ZNF184: variants seen among roughly 807,000 people sequenced by gnomAD.
ZNF184 encodes the protein zinc finger protein 184.
A neutral mutation model predicts 54.4 loss-of-function variants in ZNF184; 16 were observed. The observed-to-expected ratio is 0.29, with a 90% CI of 0.20 to 0.45. The LOEUF is 0.45. Ranked by LOEUF, ZNF184 falls within the 20% of genes least tolerant of loss-of-function variation. The probability of loss-of-function intolerance (pLI) is 1.00; values close to 1 mark genes in which losing one functional copy is unlikely to be tolerated. For missense variants in ZNF184, 681 were observed against 888.2 expected, an observed-to-expected ratio of 0.77 and a Z score of 2.97; for synonymous variants, 254 against 295.3, an observed-to-expected ratio of 0.86 and a Z score of 1.43.
the ZNF184 span, among the ~76,000 whole-genome samples, chr6:27,424,023 C>G: frequency 2.0e-5 from 3 of 151,980 alleles, no homozygotes. Context: ...AGAATGAAGC[C>G]ACGAACCCTC....
chr6:27,460,314 G>C (rs144274569), intron 3 of ZNF184, among the ~76,000 whole-genome samples: 1 of 152,292 alleles, frequency 6.6e-6, no homozygotes, highest in Non-Finnish European at 1.5e-5. Context: ...AACTAAGTGA[G>C]AGAGCAATAA....
intron 5 of ZNF184, among the ~76,000 whole-genome samples, chr6:27,454,881 C>T (rs1314213555): frequency 6.6e-6 from 1 of 152,094 alleles, no homozygotes; most frequent in Non-Finnish European, 1.5e-5. Flanking sequence ...GAGAAGTAAT[C>T]GAGGGTGTTG....
chr6:27,464,947 G>T (rs1348034903), intron 3 of ZNF184, among the ~76,000 whole-genome samples: 1 of 148,668 alleles, frequency 6.7e-6, no homozygotes. Context: ...AACCCAGGAG[G>T]CGGAGCTTGC....
chr6:27,444,511 A>G, the ZNF184 span, among the ~76,000 whole-genome samples: 23 of 152,148 alleles, frequency 1.5e-4, no homozygotes, highest in African/African-American at 5.6e-4. Flanking sequence ...GTCCTCTTCT[A>G]GCAACTACCC....
In ZNF184 at chr6:27,451,639, T is replaced by C. The variant is rs139129166; in HGVS notation, c.1920A>G (p.Lys640=). The change falls in exon 6 of 6, where the codon AAA becomes AAG. Residue 640 remains lysine, a synonymous_variant. Transcript: ENST00000683788. ...TTTCACATTTATTACACTGGTAGGG[T>C]TTTTCTTCTGTGTGAGTTTTTTGAT... The part of the protein sequence containing the change: ...AQHQKTHTEE[K]PYQCNKCEKT... The C allele has an allele frequency of 6.2e-7, 1 of 1,614,006 alleles. No homozygotes were observed. The highest frequency in any genetic ancestry group is 8.5e-7 in the Non-Finnish European group (1 of 1,179,968).
intron 3 of ZNF184, among the ~76,000 whole-genome samples, chr6:27,461,137 G>A (rs1454387680): frequency 2.0e-5 from 3 of 152,164 alleles, no homozygotes; most frequent in Admixed American, 2.0e-4. Context: ...CATATGGCAG[G>A]TAAAGGCCAA....
chr6:27,425,781 G>A, the ZNF184 span, among the ~76,000 whole-genome samples: 1 of 152,102 alleles, frequency 6.6e-6, no homozygotes, highest in Non-Finnish European at 1.5e-5. Context: ...TCTTTTCCCT[G>A]GGACCCATCC....
chr6:27,457,500 T>C (rs771493685), intron 3 of ZNF184, 91 bp from the exon 4 acceptor site: 128 of 1,390,282 alleles, frequency 9.2e-5, no homozygotes, highest in Non-Finnish European at 1.2e-4. Flanking sequence ...AGGCAGTCTA[T>C]AGGATGTCTG....
chr6:27,465,504 A>AAAAAAG (rs1763112193), intron 3 of ZNF184, among the ~76,000 whole-genome samples: 2 of 149,924 alleles, frequency 1.3e-5, no homozygotes, highest in African/African-American at 4.9e-5. Context: ...AAAAAAAAAA[A>AAAAAAG]AAAAAGCAAA....
the ZNF184 span, among the ~76,000 whole-genome samples, chr6:27,422,156 G>GAAAGAAAGAAAGAAAGAA: frequency 3.8e-5 from 1 of 26,354 alleles, no homozygotes; most frequent in South Asian, 2.4e-3. Flanking sequence ...AAAAAAGAAA[G>GAAAGAAAGAAAGAAAGAA]AAAGAAAGAA....
At chr6:27,407,722 CAGA>C in the ZNF184 span, 6 of 744,168 alleles carry the variant, frequency 8.1e-6, no homozygotes, top group South Asian at 5.6e-5. Flanking sequence ...ATGTACCTTA[CAGA>C]AGATGTCATC....
chr6:27,424,552 G>A, the ZNF184 span, among the ~76,000 whole-genome samples: 5,425 of 152,178 alleles, frequency 0.036, 203 homozygotes, highest in African/African-American at 0.094. Flanking sequence ...ACAGAGTATG[G>A]ACACAAAGGT....
intron 3 of ZNF184, among the ~76,000 whole-genome samples, chr6:27,465,511 C>CAAAAAAAAAAAAAAAAAA (rs1345135612): frequency 1.1e-5 from 1 of 88,488 alleles, no homozygotes. Context: ...AAAAAAAAAG[C>CAAAAAAAAAAAAAAAAAA]AAAACCCAAC....
At chr6:27,434,072 G>T in the ZNF184 span, among the ~76,000 whole-genome samples, 2 of 147,088 alleles carry the variant, frequency 1.4e-5, no homozygotes, top group Admixed American at 6.9e-5. Context: ...CCAGGCTGCA[G>T]TGCAGTGGTG....
At chr6:27,408,516 A>G in the ZNF184 span, among the ~76,000 whole-genome samples, 3 of 152,188 alleles carry the variant, frequency 2.0e-5, no homozygotes, top group Non-Finnish European at 4.4e-5. Context: ...TTATTAGACT[A>G]TTTCAAAGAC....
At chr6:27,409,506 A>AC in the ZNF184 span, among the ~76,000 whole-genome samples, 1 of 149,648 alleles carries the variant, frequency 6.7e-6, no homozygotes, top group African/African-American at 2.5e-5. Flanking sequence ...CTCAAAAAAA[A>AC]AAAAAAAAAA....
At chr6:27,412,607 C>T in the ZNF184 span, among the ~76,000 whole-genome samples, 5,426 of 152,254 alleles carry the variant, frequency 0.036, 201 homozygotes, top group African/African-American at 0.094. Context: ...AGAGATTTAT[C>T]CTAAGCCAAA....
chr6:27,460,329 GT>G (rs1288016600), intron 3 of ZNF184, among the ~76,000 whole-genome samples: 2 of 152,082 alleles, frequency 1.3e-5, no homozygotes, highest in Non-Finnish European at 2.9e-5. Context: ...CAATAACTTT[GT>G]TTAAAAACTA....
chr6:27,415,668 G>C, the ZNF184 span, among the ~76,000 whole-genome samples: 2 of 152,108 alleles, frequency 1.3e-5, 1 homozygote, highest in East Asian at 3.9e-4. Context: ...GAAATACAGG[G>C]ACTAAAAAGC....
Sources: gnomAD v4.1 joint callset for allele counts (sites outside exome capture counted in the v4.1 genomes callset) on GRCh38, gnomAD v4.1.1 for gene constraint, MANE v1.5 for transcripts, NCBI Gene and HGNC (gene_info 2026-07-23, HGNC 2026-07-21) for gene names.